The following ATP11B variants were observed in gnomAD, a reference collection of about 807,000 sequenced individuals.
ATP11B encodes ATPase phospholipid transporting 11B (putative).
Under a neutral mutation model 157.8 loss-of-function variants are expected in ATP11B, and 81 were observed. The observed-to-expected ratio is 0.51, with a 90% CI of 0.43 to 0.62. The LOEUF is 0.62. Ranked by LOEUF, ATP11B falls within the 20% of genes least tolerant of loss-of-function variation. The probability of loss-of-function intolerance (pLI) is 0.00; values close to 1 mark genes in which losing one functional copy is unlikely to be tolerated. For missense variants in ATP11B, 1,165 were observed against 1,402.2 expected (o/e 0.83, Z 2.70); for synonymous variants, 451 against 469.4 (o/e 0.96, Z 0.51).
intron 21 of ATP11B, among the ~76,000 whole-genome samples, chr3:182,883,903 C>T (rs1577073192): frequency 7.0e-6 from 1 of 142,540 alleles, no homozygotes; most frequent in South Asian, 2.2e-4. Context: ...TGCAGTGAGC[C>T]GAGATCCCGC....
At chr3:182,873,141 C>G (rs1721786808) in intron 18 of ATP11B, among the ~76,000 whole-genome samples, 1 of 152,068 alleles carries the variant, frequency 6.6e-6, no homozygotes, top group Non-Finnish European at 1.5e-5. Flanking sequence ...TTAAAGACTT[C>G]TCCTCTGTTA....
intron 25 of ATP11B, among the ~76,000 whole-genome samples, chr3:182,894,767 A>G (rs766063260): frequency 6.6e-6 from 1 of 152,020 alleles, no homozygotes; most frequent in Non-Finnish European, 1.5e-5. Flanking sequence ...GTAAAACCAG[A>G]TACTGAAGGA....
intron 20 of ATP11B, among the ~76,000 whole-genome samples, chr3:182,880,240 A>G (rs1049298818): frequency 3.3e-5 from 5 of 152,212 alleles, no homozygotes; most frequent in Admixed American, 2.0e-4. Flanking sequence ...TGCAGTGCAC[A>G]TCTAAATACT....
At chr3:182,799,148 G>A (rs1359408433) in intron 1 of ATP11B, among the ~76,000 whole-genome samples, 1 of 152,202 alleles carries the variant, frequency 6.6e-6, no homozygotes, top group Non-Finnish European at 1.5e-5. Context: ...CTGCCTGATA[G>A]ACTAACTGCA....
chr3:182,851,243 A>G (rs890378268), intron 10 of ATP11B, among the ~76,000 whole-genome samples: 14 of 152,312 alleles, frequency 9.2e-5, no homozygotes, highest in Non-Finnish European at 1.8e-4. Flanking sequence ...GTGAGCCGAG[A>G]TCGCACCACT....
In ATP11B at chr3:182,887,600, C is replaced by T. The variant is rs1722882184; in HGVS notation, c.2730C>T (p.Ser910=). Residue 910 remains serine (S), a synonymous_variant, in exon 24 of 30, where the codon AGC becomes AGT. Coordinates refer to ENST00000323116, the MANE Select transcript of ATP11B (RefSeq NM_014616.3). ...CLFSQQTLYD[S]VYLTLYNICF... ...TCTCTTTCTAGACATTGTATGACAG[C>T]GTGTACCTGACTTTATACAATATTT... The T allele has an allele frequency of 7.5e-6, 12 of 1,610,514 alleles. No homozygotes were observed. Among genetic ancestry groups the T allele is most frequent in the Non-Finnish European group, 9.3e-6 (11 of 1,178,846 alleles).
chr3:182,861,683 G>T (rs993363974), intron 12 of ATP11B, among the ~76,000 whole-genome samples: 2 of 152,170 alleles, frequency 1.3e-5, no homozygotes, highest in African/African-American at 4.8e-5. Flanking sequence ...GTCTCTTATT[G>T]TATCAGTTGC....
chr3:182,897,189 A>G (rs902258263), intron 26 of ATP11B, 114 bp from the exon 27 acceptor site: 2 of 589,874 alleles, frequency 3.4e-6, no homozygotes, highest in Admixed American at 3.0e-5. Context: ...GAGGGATTGT[A>G]TCTGTCTTCT....
Position 182,879,554 on chromosome 3 carries a change from C to G in ATP11B, c.2311C>G (p.Leu771Val). 6.2e-7 allele frequency: 1 copy of G among 1,614,108 alleles called. No homozygotes were observed. The highest frequency in any genetic ancestry group is 8.5e-7 in the Non-Finnish European group (1 of 1,179,992). ...GLVVDGTSLS[L>V]ALREHEKLFM... ...GGTAGTGGATGGGACCAGCCTATCT[C>G]TTGCACTCAGGGAGCATGAAAAACT... Residue 771 changes from leucine (L) to valine (V), a missense_variant, in exon 20 of 30, where the codon CTT becomes GTT. Leu to Val is a conservative substitution (Grantham distance 32). Transcript: ENST00000323116.
chr3:182,866,686 C>G (rs1721259349), intron 14 of ATP11B, among the ~76,000 whole-genome samples: 1 of 151,188 alleles, frequency 6.6e-6, no homozygotes, highest in Non-Finnish European at 1.5e-5. Context: ...CTATAAAAAT[C>G]TGTGTAATAG....
At position 182,837,188 on chromosome 3, in the gene ATP11B, T is replaced by C. The variant is rs1718618823; in HGVS notation, c.656+14T>C. The C allele has an allele frequency of 6.6e-7, 1 of 1,523,532 alleles. No homozygotes were observed. The highest frequency in any genetic ancestry group is 9.0e-7 in the Non-Finnish European group (1 of 1,105,014). 94.4% of individuals were successfully genotyped at this position (1,523,532 alleles called of 1,614,324 possible). A position where few individuals can be genotyped will look rare whatever the true frequency, so the allele number is the denominator to read the frequency against. On this transcript the variant is annotated intron_variant, in intron 7 of 29. Coordinates refer to ENST00000323116, the MANE Select transcript of ATP11B (RefSeq NM_014616.3). ...AGACTTATACAGGTATGGTGTGATA[T>C]TCAGTATACTTATTTTAAGTCCTAT...
chr3:182,848,906 G>A (rs968736853), intron 10 of ATP11B, among the ~76,000 whole-genome samples: 1 of 152,176 alleles, frequency 6.6e-6, no homozygotes, highest in Non-Finnish European at 1.5e-5. Context: ...GGCAAGGAGT[G>A]TAATCCTGAA....
At chr3:182,873,267 T>G (rs1267366914) in intron 18 of ATP11B, among the ~76,000 whole-genome samples, 1 of 152,230 alleles carries the variant, frequency 6.6e-6, no homozygotes, top group Non-Finnish European at 1.5e-5. Flanking sequence ...TTCTGCAGAT[T>G]AAGTTTGTTG....
chr3:182,887,540 A>G (rs763280438), intron 23 of ATP11B, 46 bp from the exon 24 acceptor site: 1 of 1,565,270 alleles, frequency 6.4e-7, no homozygotes, highest in Admixed American at 1.9e-5. Flanking sequence ...CATAATAGTA[A>G]TGCATAATTC....
rs1467044892 is a variant in ATP11B, at chr3:182,902,660, C to T, written c.3318+3888C>T. 1.3e-4 allele frequency: 93 copies of T among 734,218 alleles called. No individual in the cohort carries two copies. In the South Asian group the frequency reaches 1.8e-3, roughly 14 times the overall value. The allele number at this position is 734,218 out of a possible 1,614,324, so 45.5% of individuals were successfully genotyped here. ...GATGGGCAGAGGCATAAATAAAGAG[C>T]GGGGCATTTTTGTTAGCATGGCCCT... On this transcript the variant is annotated intron_variant, in intron 28 of 29. Transcript: ENST00000323116.
intron 28 of ATP11B, among the ~76,000 whole-genome samples, chr3:182,901,181 A>G (rs1723934101): frequency 6.6e-6 from 1 of 151,656 alleles, no homozygotes; most frequent in Non-Finnish European, 1.5e-5. Flanking sequence ...TCAGAAAATA[A>G]TAATAAATAA....
intron 8 of ATP11B, among the ~76,000 whole-genome samples, chr3:182,842,325 T>C (rs553124744): frequency 6.6e-6 from 1 of 152,318 alleles, no homozygotes; most frequent in East Asian, 1.9e-4. Context: ...CTAGAGTGTT[T>C]AGTGGTCAAC....
intron 7 of ATP11B, among the ~76,000 whole-genome samples, chr3:182,839,748 T>A (rs1718856864): frequency 6.6e-6 from 1 of 151,972 alleles, no homozygotes. Context: ...GTAGATAGGA[T>A]TATATGTGTG....
chr3:182,879,558 C>T lies in ATP11B; in HGVS notation c.2315C>T (p.Ala772Val). ...GTGGATGGGACCAGCCTATCTCTTG[C>T]ACTCAGGGAGCATGAAAAACTATTT... ...LVVDGTSLSL[A>V]LREHEKLFME... Residue 772 changes from alanine to valine, a missense_variant, in exon 20 of 30, where the codon GCA (alanine) becomes GTA (valine). Transcript: ENST00000323116. 6.2e-7 allele frequency: 1 copy of T among 1,614,084 alleles called. No individual in the cohort carries two copies.
Sources: allele counts gnomAD v4.1 joint callset (sites outside exome capture counted in the v4.1 genomes callset), GRCh38; gene constraint gnomAD v4.1.1; transcripts MANE v1.5; gene names NCBI Gene and HGNC (gene_info 2026-07-23, HGNC 2026-07-21).